Variants in MARCHF1 observed in about 807,000 individuals in gnomAD.
MARCHF1 encodes the protein E3 ubiquitin-protein ligase MARCHF1.
In MARCHF1, 40 loss-of-function variants were observed where a neutral mutation model predicts 54.2. That is an observed-to-expected ratio of 0.74 (90% CI 0.57 to 0.96). The LOEUF is 0.96. Among genes scored for constraint, MARCHF1 ranks in the 40% least tolerant of loss-of-function variants. The pLI, the probability that MARCHF1 is intolerant of heterozygous loss-of-function variation, is 0.00. For missense variants in MARCHF1, 586 were observed against 656.5 expected, an observed-to-expected ratio of 0.89 and a Z score of 1.17; for synonymous variants, 236 against 236.3, an observed-to-expected ratio of 1.00 and a Z score of 0.01.
At chr4:164,276,426 G>A (rs1420909183) in intron 1 of MARCHF1, among the ~76,000 whole-genome samples, 1 of 151,794 alleles carries the variant, frequency 6.6e-6, no homozygotes, top group Non-Finnish European at 1.5e-5. Flanking sequence ...TACTATCTCT[G>A]TTACTAATTT....
chr4:164,365,303 T>C (rs1194045534), intron 1 of MARCHF1, among the ~76,000 whole-genome samples: 6 of 152,070 alleles, frequency 3.9e-5, no homozygotes, highest in Non-Finnish European at 5.9e-5. Flanking sequence ...GTTTTCACAA[T>C]GCGTCATTTC....
At chr4:163,744,893 T>C (rs1021299687) in intron 4 of MARCHF1, among the ~76,000 whole-genome samples, 1 of 152,056 alleles carries the variant, frequency 6.6e-6, no homozygotes, top group African/African-American at 2.4e-5. Context: ...ATAGAAATTA[T>C]GAAAAATAGA....
At chr4:163,678,772 T>C (rs1251898101) in intron 5 of MARCHF1, among the ~76,000 whole-genome samples, 5 of 152,230 alleles carry the variant, frequency 3.3e-5, no homozygotes, top group Non-Finnish European at 4.4e-5. Flanking sequence ...CTTGGAATTA[T>C]GGAGCTTTAA....
chr4:163,795,217 A>G (rs778254781), intron 4 of MARCHF1, among the ~76,000 whole-genome samples: 2 of 152,192 alleles, frequency 1.3e-5, no homozygotes, highest in South Asian at 4.1e-4. Flanking sequence ...ATTCCCAGAC[A>G]TCTTAATGGT....
intron 1 of MARCHF1, among the ~76,000 whole-genome samples, chr4:164,339,479 G>A (rs964195086): frequency 6.6e-6 from 1 of 151,990 alleles, no homozygotes; most frequent in Non-Finnish European, 1.5e-5. Flanking sequence ...AACAACCAAT[G>A]ATCCAAAACT....
At chr4:163,734,822 G>A (rs554350867) in intron 4 of MARCHF1, among the ~76,000 whole-genome samples, 3 of 151,990 alleles carry the variant, frequency 2.0e-5, no homozygotes, top group Non-Finnish European at 2.9e-5. Flanking sequence ...TTAAACATTC[G>A]CAATTTGCAG....
chr4:163,740,222 T>C (rs1746156399), intron 4 of MARCHF1, among the ~76,000 whole-genome samples: 1 of 152,222 alleles, frequency 6.6e-6, no homozygotes, highest in African/African-American at 2.4e-5. Context: ...CTTACTGCTC[T>C]AACCTGACCT....
At chr4:163,820,900 T>C (rs191691318) in intron 4 of MARCHF1, among the ~76,000 whole-genome samples, 2 of 152,192 alleles carry the variant, frequency 1.3e-5, no homozygotes, top group East Asian at 1.9e-4. Context: ...GTCCCATTTA[T>C]AGTGTGGGCT....
intron 2 of MARCHF1, among the ~76,000 whole-genome samples, chr4:164,037,954 G>T (rs1754044338): frequency 6.6e-6 from 1 of 152,172 alleles, no homozygotes; most frequent in Non-Finnish European, 1.5e-5. Flanking sequence ...AGAGAAATTA[G>T]TTATTGTCAG....
At chr4:163,787,340 T>C (rs1747650902) in intron 4 of MARCHF1, among the ~76,000 whole-genome samples, 1 of 150,898 alleles carries the variant, frequency 6.6e-6, no homozygotes, top group Non-Finnish European at 1.5e-5. Flanking sequence ...ATATAAGGGG[T>C]TACTATCCAA....
At chr4:163,543,586 A>C (rs1247312148) in intron 9 of MARCHF1, among the ~76,000 whole-genome samples, 1 of 152,144 alleles carries the variant, frequency 6.6e-6, no homozygotes. Flanking sequence ...GGGGGCCTAC[A>C]GAATGAGCAA....
intron 2 of MARCHF1, among the ~76,000 whole-genome samples, chr4:164,102,946 A>G (rs979256126): frequency 7.9e-6 from 1 of 126,596 alleles, no homozygotes; most frequent in African/African-American, 3.2e-5. Flanking sequence ...GAAAACAAAA[A>G]AAGGCAGGGG....
At chr4:163,638,162 C>A (rs1466434712) in intron 5 of MARCHF1, among the ~76,000 whole-genome samples, 1 of 149,072 alleles carries the variant, frequency 6.7e-6, no homozygotes, top group Non-Finnish European at 1.5e-5. Flanking sequence ...TTAGTGGGTG[C>A]AGCGCACCAG....
At chr4:164,024,310 GA>G (rs918024724) in intron 2 of MARCHF1, among the ~76,000 whole-genome samples, 18 of 151,734 alleles carry the variant, frequency 1.2e-4, no homozygotes, top group Non-Finnish European at 2.7e-4. Flanking sequence ...CAACGTGAAA[GA>G]AAAAAAATCT....
chr4:164,128,205 A>T (rs1213438638), intron 1 of MARCHF1, among the ~76,000 whole-genome samples: 2 of 152,190 alleles, frequency 1.3e-5, no homozygotes, highest in East Asian at 3.8e-4. Flanking sequence ...ATACACAAGA[A>T]GAAAACATGG....
At chr4:164,149,148 T>C (rs975753500) in intron 1 of MARCHF1, among the ~76,000 whole-genome samples, 3 of 152,180 alleles carry the variant, frequency 2.0e-5, no homozygotes, top group African/African-American at 7.2e-5. Context: ...GCTCCCCTTT[T>C]GCCTTTTGCA....
intron 1 of MARCHF1, among the ~76,000 whole-genome samples, chr4:164,237,871 A>C (rs180967211): frequency 1.3e-5 from 2 of 152,012 alleles, no homozygotes; most frequent in African/African-American, 4.8e-5. Context: ...ACAACCTACT[A>C]TCTGTATTAA....
At chr4:163,937,158 A>G (rs1351472285) in intron 3 of MARCHF1, among the ~76,000 whole-genome samples, 1 of 152,178 alleles carries the variant, frequency 6.6e-6, no homozygotes, top group Non-Finnish European at 1.5e-5. Flanking sequence ...CTGCAACCTC[A>G]AGACTAAATC....
At chr4:164,268,761 A>T (rs1733672752) in intron 1 of MARCHF1, among the ~76,000 whole-genome samples, 1 of 152,206 alleles carries the variant, frequency 6.6e-6, no homozygotes, top group Admixed American at 6.5e-5. Flanking sequence ...ATAAAAAAAG[A>T]ATCACACATT....
Sources: allele counts gnomAD v4.1 joint callset (sites outside exome capture counted in the v4.1 genomes callset), GRCh38; gene constraint gnomAD v4.1.1; transcripts MANE v1.5; gene names NCBI Gene and HGNC (gene_info 2026-07-23, HGNC 2026-07-21).